Variants in TENM3 observed in about 807,000 individuals in gnomAD.
The protein encoded by TENM3 is teneurin-3.
In TENM3, 63 loss-of-function variants were observed where a neutral mutation model predicts 255.1. That is an observed-to-expected ratio of 0.25 (90% CI 0.20 to 0.30). The LOEUF (loss-of-function observed/expected upper bound fraction) is 0.30. TENM3 is among the 10% of genes least tolerant of loss of function. The pLI is 1.00. For synonymous variants in TENM3, 1,306 were observed against 1,322.3 expected, an observed-to-expected ratio of 0.99 and a Z score of 0.27; for missense variants, 2,929 against 3,461.1, an observed-to-expected ratio of 0.85 and a Z score of 3.86.
At chr4:181,715,441 G>A in the TENM3 span, among the ~76,000 whole-genome samples, 1 of 152,154 alleles carries the variant, frequency 6.6e-6, no homozygotes. Context: ...AAATGCATAT[G>A]TAAATACTTA....
chr4:181,471,342 A>G, the TENM3 span, among the ~76,000 whole-genome samples: 30,896 of 152,138 alleles, frequency 0.2, 3,332 homozygotes, highest in Middle Eastern at 0.24. Flanking sequence ...GTTGGAGATT[A>G]TCACATTTCT....
chr4:181,935,093 T>C, the TENM3 span, among the ~76,000 whole-genome samples: 3 of 152,246 alleles, frequency 2.0e-5, no homozygotes, highest in African/African-American at 7.2e-5. Flanking sequence ...AGTCATTTTA[T>C]TGACATTTAA....
chr4:181,778,515 G>A, the TENM3 span, among the ~76,000 whole-genome samples: 1 of 152,240 alleles, frequency 6.6e-6, no homozygotes. Flanking sequence ...AGGCCATGCA[G>A]CAGATCCCGC....
intron 3 of TENM3, among the ~76,000 whole-genome samples, chr4:182,417,315 G>A (rs1212662711): frequency 1.3e-5 from 2 of 151,786 alleles, no homozygotes; most frequent in African/African-American, 4.8e-5. Flanking sequence ...AACAATAATA[G>A]CAATTACATT....
At chr4:182,300,959 A>T (rs957334200) in intron 1 of TENM3, among the ~76,000 whole-genome samples, 23 of 152,178 alleles carry the variant, frequency 1.5e-4, no homozygotes, top group South Asian at 2.1e-4. Context: ...ATTTATTTTT[A>T]AAAAAGTGTT....
intron 12 of TENM3, among the ~76,000 whole-genome samples, chr4:182,700,687 T>C (rs1271841231): frequency 6.6e-6 from 1 of 152,196 alleles, no homozygotes; most frequent in Non-Finnish European, 1.5e-5. Flanking sequence ...GGTCCATAAA[T>C]TTGAATACTT....
the TENM3 span, among the ~76,000 whole-genome samples, chr4:181,988,867 C>A: frequency 1.3e-5 from 2 of 151,894 alleles, no homozygotes; most frequent in East Asian, 3.9e-4. Flanking sequence ...CCAGAGACAC[C>A]TCTCCCTGCT....
chr4:181,449,489 A>T, the TENM3 span, among the ~76,000 whole-genome samples: 1 of 152,216 alleles, frequency 6.6e-6, no homozygotes, highest in African/African-American at 2.4e-5. Flanking sequence ...GTTAGAAAGA[A>T]ACATATAATC....
At chr4:182,762,725 A>G (rs954515771) in intron 22 of TENM3, among the ~76,000 whole-genome samples, 8 of 152,194 alleles carry the variant, frequency 5.3e-5, no homozygotes, top group African/African-American at 1.9e-4. Flanking sequence ...CTGCAAATGC[A>G]GAACCAGTGT....
At chr4:181,596,228 A>G in the TENM3 span, among the ~76,000 whole-genome samples, 1 of 152,324 alleles carries the variant, frequency 6.6e-6, no homozygotes. Context: ...AATGTGAATA[A>G]TATCTATTTA....
At chr4:181,805,464 G>A in the TENM3 span, among the ~76,000 whole-genome samples, 1 of 152,220 alleles carries the variant, frequency 6.6e-6, no homozygotes, top group South Asian at 2.1e-4. Flanking sequence ...AAGTGCCCAC[G>A]GAAAGGTCAT....
At chr4:182,231,920 T>C (rs1014894908) in intron 1 of TENM3, among the ~76,000 whole-genome samples, 1 of 152,204 alleles carries the variant, frequency 6.6e-6, no homozygotes, top group African/African-American at 2.4e-5. Context: ...GGAAAGCACC[T>C]GAAATTAAGT....
chr4:182,486,936 A>G (rs566573940), intron 3 of TENM3, among the ~76,000 whole-genome samples: 1 of 152,154 alleles, frequency 6.6e-6, no homozygotes, highest in African/African-American at 2.4e-5. Flanking sequence ...TTCCTGGCAA[A>G]AGAAACGGAA....
At chr4:181,768,104 G>T in the TENM3 span, among the ~76,000 whole-genome samples, 1 of 152,196 alleles carries the variant, frequency 6.6e-6, no homozygotes, top group Admixed American at 6.5e-5. Flanking sequence ...TAGTCAATCT[G>T]AAAAGTATTT....
chr4:181,701,919 A>G, the TENM3 span, among the ~76,000 whole-genome samples: 9 of 152,224 alleles, frequency 5.9e-5, no homozygotes, highest in Non-Finnish European at 1.2e-4. Flanking sequence ...CTTTTGGCGT[A>G]TGATGGCTTG....
chr4:182,092,502 G>A, the TENM3 span, among the ~76,000 whole-genome samples: 7 of 152,092 alleles, frequency 4.6e-5, no homozygotes, highest in Non-Finnish European at 8.8e-5. Flanking sequence ...TTAAAAGTTA[G>A]CCAGGCACAT....
the TENM3 span, among the ~76,000 whole-genome samples, chr4:181,695,868 T>C: frequency 6.5e-4 from 99 of 152,172 alleles, no homozygotes; most frequent in African/African-American, 2.3e-3. Context: ...GCCAGGGAAA[T>C]GGGCAGTATT....
At chr4:182,294,309 GA>G (rs1554044950) in intron 1 of TENM3, among the ~76,000 whole-genome samples, 2 of 152,070 alleles carry the variant, frequency 1.3e-5, no homozygotes, top group Non-Finnish European at 2.9e-5. Context: ...TCTCCAGACT[GA>G]AGATCTAGAT....
At chr4:182,094,543 G>C in the TENM3 span, among the ~76,000 whole-genome samples, 1 of 152,192 alleles carries the variant, frequency 6.6e-6, no homozygotes, top group Non-Finnish European at 1.5e-5. Flanking sequence ...ACGGCACGCA[G>C]CCAGCCAGCC....
Sources: gnomAD v4.1 joint callset for allele counts (sites outside exome capture counted in the v4.1 genomes callset) on GRCh38, gnomAD v4.1.1 for gene constraint, MANE v1.5 for transcripts, NCBI Gene and HGNC (gene_info 2026-07-23, HGNC 2026-07-21) for gene names.